Variants in TTC1 observed in about 807,000 individuals in gnomAD.
TTC1 encodes tetratricopeptide repeat domain 1.
Under a neutral mutation model 37.6 loss-of-function variants are expected in TTC1, and 31 were observed. That is an observed-to-expected ratio of 0.82 (90% CI 0.62 to 1.11). The LOEUF is 1.11. Among genes scored for constraint, TTC1 ranks in the 50% most tolerant of loss-of-function variants. The pLI, the probability that TTC1 is intolerant of heterozygous loss-of-function variation, is 0.00. For synonymous variants in TTC1, 127 were observed against 122.4 expected (o/e 1.04, Z -0.25); for missense variants, 351 against 339.0 (o/e 1.04, Z -0.28).
At chr5:160,026,826 T>G (rs533303674) in intron 2 of TTC1, among the ~76,000 whole-genome samples, 2 of 152,328 alleles carry the variant, frequency 1.3e-5, no homozygotes, top group Admixed American at 6.5e-5. Context: ...ATTAGTCATT[T>G]GTCTTTTACA....
In TTC1 at chr5:160,013,759, A is replaced by AG. The variant is rs1446500288; in HGVS notation, c.330+2901_330+2902insG. Among the ~76,000 whole-genome samples, 4 of 151,336 alleles carry AG rather than the reference A, an allele frequency of 2.6e-5. No individual in the cohort carries two copies. In the East Asian group the frequency reaches 7.8e-4, roughly 29 times the overall value. On this transcript the variant is annotated intron_variant, in intron 2 of 7. Coordinates refer to ENST00000231238, the MANE Select transcript of TTC1 (RefSeq NM_003314.3). ...CTCTGTCTCAAAAAAAAAAAAAAAA[A>AG]TACTAACTAAAACATTATGTCTCAT...
At chr5:160,039,399 A>G (rs1757050095) in intron 4 of TTC1, among the ~76,000 whole-genome samples, 1 of 150,176 alleles carries the variant, frequency 6.7e-6, no homozygotes, top group African/African-American at 2.5e-5. Flanking sequence ...TATATTATGT[A>G]TACTGTTTTA....
chr5:160,024,627 G>T (rs989483344), intron 2 of TTC1, among the ~76,000 whole-genome samples: 5 of 151,874 alleles, frequency 3.3e-5, no homozygotes, highest in Non-Finnish European at 7.4e-5. Context: ...CTCCCTCATA[G>T]CTGGGAATAC....
chr5:160,045,520 A>ACACACACTCTCTCTCTCT (rs1202139318), intron 5 of TTC1, among the ~76,000 whole-genome samples: 1 of 54,884 alleles, frequency 1.8e-5, no homozygotes, highest in Non-Finnish European at 3.3e-5. Context: ...ACACATACAC[A>ACACACACTCTCTCTCTCT]CTCTCTCTCT....
At chr5:160,033,063 C>T (rs929280990) in intron 2 of TTC1, among the ~76,000 whole-genome samples, 2 of 152,106 alleles carry the variant, frequency 1.3e-5, no homozygotes, top group African/African-American at 4.8e-5. Context: ...TTAAGCCTCT[C>T]ACTGATTCTG....
Position 160,049,640 on chromosome 5 carries a change from A to G in TTC1, c.668A>G (p.His223Arg), listed in dbSNP as rs780115205. The G allele has an allele frequency of 7.6e-6, 12 of 1,586,886 alleles. No homozygotes were observed. Among genetic ancestry groups the G allele is most frequent in the Admixed American group, 3.8e-5 (2 of 52,132 alleles). The change falls in exon 6 of 8, where the codon CAT becomes CGT. Residue 223 changes from histidine (H) to arginine (R), a missense_variant. By Grantham distance (29) the His-to-Arg change is conservative (BLOSUM62 0). Transcript: ENST00000231238. ...KSILEKDPSI[H>R]QAREACMRLP... is the part of the protein sequence containing the mutation. Reference sequence around the variant, plus strand: ...ATATTAGAAAAAGATCCATCAATACATCAAGCAAGAGAAGCTTGTATGGTA... The same window carrying G: ...ATATTAGAAAAAGATCCATCAATACGTCAAGCAAGAGAAGCTTGTATGGTA...
chr5:160,050,185 C>T (rs6873229), intron 6 of TTC1, among the ~76,000 whole-genome samples: 10,170 of 151,486 alleles, frequency 0.067, 380 homozygotes, highest in East Asian at 0.12. Context: ...CAGTGGCTCA[C>T]GCCTGTACTC....
intron 7 of TTC1, among the ~76,000 whole-genome samples, chr5:160,053,588 C>T (rs545575422): frequency 6.6e-6 from 1 of 152,220 alleles, no homozygotes; most frequent in South Asian, 2.1e-4. Context: ...ATTATAAAAT[C>T]AGGTAGTGTG....
intron 5 of TTC1, among the ~76,000 whole-genome samples, chr5:160,043,433 C>T (rs1757137020): frequency 6.6e-6 from 1 of 152,082 alleles, no homozygotes. Flanking sequence ...CCTGTCTGTA[C>T]CAAAAATACG....
At chr5:160,017,953 A>C (rs1382782690) in intron 2 of TTC1, among the ~76,000 whole-genome samples, 1 of 152,216 alleles carries the variant, frequency 6.6e-6, no homozygotes, top group Non-Finnish European at 1.5e-5. Context: ...GAGAATTAGG[A>C]CAAAATGTTA....
intron 3 of TTC1, 22 bp downstream of exon 3, chr5:160,035,222 A>C (rs1756982207): frequency 6.3e-7 from 1 of 1,583,146 alleles, no homozygotes; most frequent in Non-Finnish European, 8.6e-7. Context: ...TTCAGCACTG[A>C]TAATCTGGTC....
chr5:160,009,862 G>A (rs74394779), intron 1 of TTC1, among the ~76,000 whole-genome samples: 1,773 of 152,220 alleles, frequency 0.012, 22 homozygotes, highest in African/African-American at 0.024. Context: ...CACAATTTTG[G>A]CACGGATTTT....
At chr5:160,061,045 C>T (rs761022958) in intron 7 of TTC1, among the ~76,000 whole-genome samples, 5 of 152,236 alleles carry the variant, frequency 3.3e-5, no homozygotes, top group African/African-American at 4.8e-5. Flanking sequence ...AGTTCTCAAG[C>T]TGTCAGTGGC....
In TTC1 at chr5:160,010,948, G is replaced by C. The variant is rs1042278321; in HGVS notation, c.330+90G>C. 3.2e-6 allele frequency: 4 copies of C among 1,241,892 alleles called. No individual in the cohort carries two copies. In the African/African-American group the frequency reaches 4.5e-5, roughly 14 times the overall value. 76.9% of individuals were successfully genotyped at this position (1,241,892 alleles called of 1,614,324 possible). A position where few individuals can be genotyped will look rare whatever the true frequency, so the allele number is the denominator to read the frequency against. On this transcript the variant is annotated intron_variant, in intron 2 of 7. Transcript: ENST00000231238. ...TGTATCATAGACCACCTCATCTGTGGTAAAGAATAACTTGCCCCTTTGTCT... is the reference window on the plus strand; with the variant it reads ...TGTATCATAGACCACCTCATCTGTGCTAAAGAATAACTTGCCCCTTTGTCT...
intron 2 of TTC1, among the ~76,000 whole-genome samples, chr5:160,028,015 C>A (rs764972953): frequency 2.0e-5 from 3 of 152,028 alleles, no homozygotes; most frequent in Non-Finnish European, 4.4e-5. Context: ...AGTTATCAGC[C>A]TTGGCCGGGC....
At position 160,036,952 on chromosome 5, in the gene TTC1, G is replaced by GA. The variant is rs553262632; in HGVS notation, c.504+153dup. ...TGATGTAAAGGCCACAGGGAGAATA[G>GA]AAAATCTTTTGAAAAACTTGAGTCA... On this transcript the variant is annotated intron_variant, in intron 4 of 7. Transcript: ENST00000231238. The GA allele has an allele frequency of 8.3e-4, 470 of 569,480 alleles. 2 individuals are homozygous for GA. The highest frequency in any genetic ancestry group is 7.6e-3 in the African/African-American group (406 of 53,560). The allele number at this position is 569,480 out of a possible 1,614,324, so 35.3% of individuals were successfully genotyped here.
At chr5:160,018,121 AGACTT>A (rs1394283630) in intron 2 of TTC1, among the ~76,000 whole-genome samples, 2 of 152,202 alleles carry the variant, frequency 1.3e-5, no homozygotes, top group Non-Finnish European at 2.9e-5. Context: ...TACCAATAAA[AGACTT>A]GAGGGAACCT....
intron 2 of TTC1, chr5:160,023,844 A>G: frequency 6.2e-6 from 10 of 1,613,366 alleles, no homozygotes; most frequent in Non-Finnish European, 8.5e-6. Context: ...GAGTCAGATG[A>G]CTTCCAATTC....
chr5:160,013,742 C>CAAA (rs35968051), intron 2 of TTC1, among the ~76,000 whole-genome samples: 1 of 92,176 alleles, frequency 1.1e-5, no homozygotes, highest in Non-Finnish European at 2.2e-5. Flanking sequence ...GACTCTGTCT[C>CAAA]AAAAAAAAAA....
Sources: allele counts gnomAD v4.1 joint callset (sites outside exome capture counted in the v4.1 genomes callset), GRCh38; gene constraint gnomAD v4.1.1; transcripts MANE v1.5; gene names NCBI Gene and HGNC (gene_info 2026-07-23, HGNC 2026-07-21).